PIP5K1B: variants seen among roughly 807,000 people sequenced by gnomAD.
The protein encoded by PIP5K1B is phosphatidylinositol 4-phosphate 5-kinase type-1 beta.
A neutral mutation model predicts 67.0 loss-of-function variants in PIP5K1B; 42 were observed. The observed-to-expected ratio is 0.63, with a 90% CI of 0.49 to 0.81. The LOEUF is 0.81. Ranked by LOEUF, PIP5K1B falls within the 30% of genes least tolerant of loss-of-function variation. The pLI, the probability that PIP5K1B is intolerant of heterozygous loss-of-function variation, is 0.00. For missense variants in PIP5K1B, 459 were observed against 646.3 expected, an observed-to-expected ratio of 0.71 and a Z score of 3.14; for synonymous variants, 214 against 231.4, an observed-to-expected ratio of 0.92 and a Z score of 0.68.
At chr9:68,854,103 C>A (rs1822642009) in intron 4 of PIP5K1B, among the ~76,000 whole-genome samples, 1 of 146,038 alleles carries the variant, frequency 6.8e-6, no homozygotes. Flanking sequence ...TTTTACAGAT[C>A]TATGACTGGG....
intron 14 of PIP5K1B, among the ~76,000 whole-genome samples, chr9:68,982,247 T>A (rs1303018089): frequency 2.0e-5 from 3 of 152,032 alleles, no homozygotes; most frequent in Non-Finnish European, 4.4e-5. Flanking sequence ...CTAAGAGAGG[T>A]ATCCTTGCTT....
intron 13 of PIP5K1B, among the ~76,000 whole-genome samples, chr9:68,935,669 T>TGTACACATACACATATGCACGA (rs1451211058): frequency 6.6e-6 from 1 of 152,238 alleles, no homozygotes; most frequent in Non-Finnish European, 1.5e-5. Context: ...ATTCTGTACA[T>TGTACACATACACATATGCACGA]GTACACATAC....
rs1823916620 is a variant in PIP5K1B, at chr9:68,876,701, A to G, written c.225A>G (p.Ala75=). 3 of 1,604,614 alleles carry G rather than the reference A, an allele frequency of 1.9e-6. No homozygotes were observed. The highest frequency in any genetic ancestry group is 2.6e-6 in the Non-Finnish European group (3 of 1,171,258). ...LPSEGSNLTP[A]HHYPDFRFKT... ...GCGAAGGGAGCAATCTGACCCCAGC[A>G]CATCACTACCCAGACTTTAGATTTA... The change falls in exon 6 of 16, where the codon GCA becomes GCG. Residue 75 remains alanine (A), a synonymous_variant. Coordinates refer to ENST00000265382, the MANE Select transcript of PIP5K1B (RefSeq NM_003558.4).
At chr9:68,992,645 G>T (rs1830428397) in intron 15 of PIP5K1B, among the ~76,000 whole-genome samples, 1 of 150,536 alleles carries the variant, frequency 6.6e-6, no homozygotes, top group East Asian at 2.0e-4. Context: ...TTCGAGACCA[G>T]CCTGACCAGG....
At chr9:68,715,937 T>A (rs917953952) in intron 1 of PIP5K1B, among the ~76,000 whole-genome samples, 5 of 152,188 alleles carry the variant, frequency 3.3e-5, no homozygotes, top group Non-Finnish European at 5.9e-5. Flanking sequence ...ATAAAATATT[T>A]CTGGAAGAAT....
At chr9:68,760,017 T>C (rs1333433223) in intron 2 of PIP5K1B, among the ~76,000 whole-genome samples, 1 of 152,128 alleles carries the variant, frequency 6.6e-6, no homozygotes, top group Non-Finnish European at 1.5e-5. Context: ...TTTTGTATTA[T>C]CTTAGTTAAG....
In PIP5K1B at chr9:68,917,622, GAA is replaced by G; in HGVS notation, c.848_849del (p.Lys283ArgfsTer10). 6.2e-7 allele frequency: 1 copy of G among 1,614,072 alleles called. No homozygotes were observed. Among genetic ancestry groups the G allele is most frequent in the Non-Finnish European group, 8.5e-7 (1 of 1,179,892 alleles). On this transcript the variant is annotated frameshift_variant, in exon 9 of 16. Coordinates refer to ENST00000265382, the MANE Select transcript of PIP5K1B (RefSeq NM_003558.4). LOFTEE classifies it high-confidence loss of function. The part of the protein sequence containing the change: ...IHFLDHSLKE[K>X]EEETPQNVPD... ...ATTTCCTGGACCATTCCCTCAAAGA[GAA>G]AGAGGAGGAGACCCCACAAAATGTG...
chr9:68,814,136 A>G (rs1003360133), intron 2 of PIP5K1B, among the ~76,000 whole-genome samples: 5 of 152,212 alleles, frequency 3.3e-5, no homozygotes, highest in African/African-American at 1.2e-4. Flanking sequence ...GACCTAGGCT[A>G]AACTGGCTCC....
At chr9:68,715,254 GA>G (rs1197831286) in intron 1 of PIP5K1B, among the ~76,000 whole-genome samples, 2 of 152,206 alleles carry the variant, frequency 1.3e-5, no homozygotes, top group African/African-American at 4.8e-5. Flanking sequence ...TGGACAGAGA[GA>G]AGCACAGGGA....
intron 2 of PIP5K1B, among the ~76,000 whole-genome samples, chr9:68,804,444 G>A (rs1832758283): frequency 6.6e-6 from 1 of 152,112 alleles, no homozygotes; most frequent in African/African-American, 2.4e-5. Context: ...CGGACTTAAG[G>A]AAATAAGCGA....
intron 2 of PIP5K1B, among the ~76,000 whole-genome samples, chr9:68,750,846 T>G (rs1829591195): frequency 6.6e-6 from 1 of 152,210 alleles, no homozygotes; most frequent in African/African-American, 2.4e-5. Context: ...TTTTTAATCC[T>G]TTCATGGGGA....
intron 13 of PIP5K1B, among the ~76,000 whole-genome samples, chr9:68,935,701 C>T (rs980973527): frequency 5.9e-5 from 9 of 152,178 alleles, no homozygotes; most frequent in Non-Finnish European, 1.3e-4. Flanking sequence ...AGTACACATA[C>T]ACACACATAC....
At chr9:68,808,489 A>G (rs554977814) in intron 2 of PIP5K1B, among the ~76,000 whole-genome samples, 1 of 152,322 alleles carries the variant, frequency 6.6e-6, no homozygotes, top group South Asian at 2.1e-4. Context: ...ATTGCAGGAC[A>G]TCATGCAGTA....
chr9:68,801,854 TG>T (rs1482426828), intron 2 of PIP5K1B, among the ~76,000 whole-genome samples: 2 of 152,224 alleles, frequency 1.3e-5, no homozygotes, highest in East Asian at 3.8e-4. Context: ...GATGGGGGTT[TG>T]CCCCAGCATA....
intron 2 of PIP5K1B, among the ~76,000 whole-genome samples, chr9:68,812,675 T>G (rs997964029): frequency 2.0e-5 from 3 of 152,266 alleles, no homozygotes; most frequent in African/African-American, 7.2e-5. Flanking sequence ...AGACTACAAC[T>G]TTGAGTACTC....
At chr9:68,744,331 A>G (rs1829167250) in intron 2 of PIP5K1B, among the ~76,000 whole-genome samples, 1 of 152,212 alleles carries the variant, frequency 6.6e-6, no homozygotes, top group African/African-American at 2.4e-5. Context: ...CGAAAAAACA[A>G]CTTCATCAAG....
intron 14 of PIP5K1B, among the ~76,000 whole-genome samples, chr9:68,960,334 T>G (rs981422411): frequency 3.9e-5 from 6 of 152,204 alleles, no homozygotes; most frequent in African/African-American, 1.2e-4. Flanking sequence ...TTAATTGTCT[T>G]GGAGTTGGTC....
chr9:68,731,704 C>T (rs1483062942), intron 1 of PIP5K1B, among the ~76,000 whole-genome samples: 2 of 152,168 alleles, frequency 1.3e-5, no homozygotes, highest in Non-Finnish European at 2.9e-5. Context: ...TGGAGTTAGA[C>T]AGCCTTAGGA....
At chr9:68,757,535 G>A (rs1035043141) in intron 2 of PIP5K1B, among the ~76,000 whole-genome samples, 4 of 152,052 alleles carry the variant, frequency 2.6e-5, no homozygotes, top group South Asian at 2.1e-4. Context: ...TGAAAGAGTC[G>A]GTAGTGGAGG....
Sources: gnomAD v4.1 joint callset for allele counts (sites outside exome capture counted in the v4.1 genomes callset) on GRCh38, gnomAD v4.1.1 for gene constraint, MANE v1.5 for transcripts, NCBI Gene and HGNC (gene_info 2026-07-23, HGNC 2026-07-21) for gene names.